GRID1: variants seen among roughly 807,000 people sequenced by gnomAD.
GRID1 encodes the protein glutamate ionotropic receptor delta type subunit 1, also known as glutamate receptor ionotropic, delta-1.
A neutral mutation model predicts 98.0 loss-of-function variants in GRID1; 28 were observed. The observed-to-expected ratio is 0.29, with a 90% CI of 0.21 to 0.39. The LOEUF is 0.39. Among genes scored for constraint, GRID1 ranks in the 10% least tolerant of loss-of-function variants. The pLI, the probability that GRID1 is intolerant of heterozygous loss-of-function variation, is 1.00. For synonymous variants in GRID1, 553 were observed against 538.5 expected, an observed-to-expected ratio of 1.03 and a Z score of -0.37; for missense variants, 1,111 against 1,340.5, an observed-to-expected ratio of 0.83 and a Z score of 2.67.
chr10:85,868,739 G>C (rs1650229267), intron 6 of GRID1, among the ~76,000 whole-genome samples: 1 of 152,172 alleles, frequency 6.6e-6, no homozygotes, highest in Non-Finnish European at 1.5e-5. Context: ...AGACATAAGA[G>C]ACAGGAATCT....
intron 13 of GRID1, among the ~76,000 whole-genome samples, chr10:85,637,376 G>A (rs1241100247): frequency 6.6e-6 from 1 of 152,220 alleles, no homozygotes; most frequent in African/African-American, 2.4e-5. Context: ...GGAGATTTGA[G>A]TGGATCTGCC....
chr10:85,776,101 G>T (rs1285402597), intron 8 of GRID1, among the ~76,000 whole-genome samples: 1 of 152,068 alleles, frequency 6.6e-6, no homozygotes, highest in African/African-American at 2.4e-5. Flanking sequence ...AAGAGACTTG[G>T]GTTTGTGTCC....
At chr10:86,190,037 A>C (rs1365608918) in intron 3 of GRID1, among the ~76,000 whole-genome samples, 1 of 151,710 alleles carries the variant, frequency 6.6e-6, no homozygotes, top group Non-Finnish European at 1.5e-5. Context: ...TGCCTTCCAA[A>C]ACCCAGTGCA....
At chr10:85,672,135 C>T (rs570963244) in intron 12 of GRID1, among the ~76,000 whole-genome samples, 1 of 152,316 alleles carries the variant, frequency 6.6e-6, no homozygotes, top group East Asian at 1.9e-4. Context: ...ACCAAATAAC[C>T]AATTTTCAGT....
At chr10:85,632,342 A>G (rs1412975843) in intron 13 of GRID1, among the ~76,000 whole-genome samples, 3 of 152,198 alleles carry the variant, frequency 2.0e-5, no homozygotes, top group Admixed American at 2.0e-4. Flanking sequence ...AATCATGACA[A>G]TAAGCACCAT....
intron 4 of GRID1, among the ~76,000 whole-genome samples, chr10:85,984,895 G>C (rs568371457): frequency 5.3e-5 from 8 of 152,116 alleles, no homozygotes; most frequent in Non-Finnish European, 1.0e-4. Flanking sequence ...AATTCAATTA[G>C]CCCTGATTAA....
intron 4 of GRID1, among the ~76,000 whole-genome samples, chr10:85,968,785 G>C (rs1842371294): frequency 6.6e-6 from 1 of 152,000 alleles, no homozygotes; most frequent in African/African-American, 2.4e-5. Context: ...ATGGAAAAAG[G>C]AACAAACACA....
At chr10:86,184,470 T>TC (rs1845701078) in intron 3 of GRID1, among the ~76,000 whole-genome samples, 1 of 150,522 alleles carries the variant, frequency 6.6e-6, no homozygotes, top group Non-Finnish European at 1.5e-5. Flanking sequence ...TCTTTTTTTT[T>TC]TTTTTTTTGC....
At chr10:85,604,312 C>T (rs984092531) in intron 15 of GRID1, among the ~76,000 whole-genome samples, 1 of 152,170 alleles carries the variant, frequency 6.6e-6, no homozygotes, top group African/African-American at 2.4e-5. Flanking sequence ...CTGACAACAC[C>T]CATAGGACAA....
chr10:86,046,495 T>C (rs1256402546), intron 4 of GRID1, among the ~76,000 whole-genome samples: 3 of 152,210 alleles, frequency 2.0e-5, no homozygotes, highest in African/African-American at 7.2e-5. Flanking sequence ...CACCTAGATC[T>C]TAGTGGCCTG....
chr10:86,325,814 A>G (rs1848041556), intron 2 of GRID1, among the ~76,000 whole-genome samples: 2 of 152,258 alleles, frequency 1.3e-5, no homozygotes, highest in South Asian at 4.1e-4. Flanking sequence ...AGAAACCTAC[A>G]ACAAGCATCA....
intron 4 of GRID1, among the ~76,000 whole-genome samples, chr10:85,962,744 T>G (rs11201852): frequency 0.11 from 16,252 of 152,138 alleles, 1,658 homozygotes; most frequent in African/African-American, 0.26. Context: ...GGTACTGGGT[T>G]TGGGGAGAAA....
At chr10:85,957,146 G>A (rs532240735) in intron 4 of GRID1, among the ~76,000 whole-genome samples, 25 of 152,230 alleles carry the variant, frequency 1.6e-4, no homozygotes, top group South Asian at 6.2e-4. Context: ...CACCTCCCAC[G>A]AGGTCCCTCC....
At chr10:85,987,911 G>A (rs1010078323) in intron 4 of GRID1, among the ~76,000 whole-genome samples, 3 of 151,872 alleles carry the variant, frequency 2.0e-5, no homozygotes, top group African/African-American at 7.3e-5. Flanking sequence ...GCCATTTTTT[G>A]TGTAATGCCT....
chr10:85,920,804 A>G (rs1012383609), intron 4 of GRID1, among the ~76,000 whole-genome samples: 3 of 152,202 alleles, frequency 2.0e-5, no homozygotes, highest in Non-Finnish European at 4.4e-5. Context: ...GTGGGCTCCC[A>G]GCAGGTGGGG....
intron 13 of GRID1, 55 bp downstream of exon 13, chr10:85,647,147 G>T: frequency 1.4e-6 from 2 of 1,448,724 alleles, no homozygotes; most frequent in South Asian, 1.2e-5. Context: ...CCTGGGGGCT[G>T]ACCACCCCGT....
intron 3 of GRID1, among the ~76,000 whole-genome samples, chr10:86,170,189 C>T (rs1275041993): frequency 6.6e-6 from 1 of 152,182 alleles, no homozygotes; most frequent in African/African-American, 2.4e-5. Context: ...TGGCTCTGGC[C>T]CAGCCCACAG....
At chr10:86,205,597 G>A (rs570926859) in intron 3 of GRID1, among the ~76,000 whole-genome samples, 3 of 152,130 alleles carry the variant, frequency 2.0e-5, no homozygotes, top group Admixed American at 6.5e-5. Flanking sequence ...TGAAGGGCAC[G>A]CTGGATCTCC....
At chr10:86,317,950 A>T (rs1409817802) in intron 2 of GRID1, among the ~76,000 whole-genome samples, 1 of 152,116 alleles carries the variant, frequency 6.6e-6, no homozygotes, top group Non-Finnish European at 1.5e-5. Context: ...GCCGTTGCCC[A>T]GGCTGGTCTT....
Sources: allele counts gnomAD v4.1 joint callset (sites outside exome capture counted in the v4.1 genomes callset), GRCh38; gene constraint gnomAD v4.1.1; transcripts MANE v1.5; gene names NCBI Gene and HGNC (gene_info 2026-07-23, HGNC 2026-07-21).